Variants in ATP8A2 observed in about 807,000 individuals in gnomAD.
ATP8A2 encodes the protein phospholipid-transporting ATPase IB.
ATP8A2 carries 100 observed loss-of-function variants against 165.6 expected under a neutral mutation model. The ratio of observed to expected loss-of-function variants is 0.60; its 90% CI spans 0.51 to 0.71. The LOEUF (loss-of-function observed/expected upper bound fraction) is 0.71. Ranked by LOEUF, ATP8A2 falls within the 30% of genes least tolerant of loss-of-function variation. ATP8A2 has a pLI of 0.00. For missense variants in ATP8A2, 1,227 were observed against 1,479.5 expected (o/e 0.83, Z 2.80); for synonymous variants, 543 against 548.8 (o/e 0.99, Z 0.15).
chr13:25,436,264 C>A (rs1486305295), intron 1 of ATP8A2, among the ~76,000 whole-genome samples: 1 of 152,000 alleles, frequency 6.6e-6, no homozygotes, highest in Non-Finnish European at 1.5e-5. Flanking sequence ...CAGCCCCTAC[C>A]CCGTCCCCAA....
intron 1 of ATP8A2, among the ~76,000 whole-genome samples, chr13:25,453,157 G>A (rs1448726193): frequency 7.3e-5 from 11 of 151,718 alleles, no homozygotes; most frequent in South Asian, 2.1e-4. Flanking sequence ...CGAAGTTTTC[G>A]CTCTTGTTGC....
chr13:25,610,495 C>A (rs983739053), intron 24 of ATP8A2, among the ~76,000 whole-genome samples: 2 of 152,068 alleles, frequency 1.3e-5, no homozygotes, highest in Admixed American at 1.3e-4. Flanking sequence ...TATATCAGTA[C>A]CATGCTGTTT....
chr13:25,731,733 C>A (rs1266706490), intron 25 of ATP8A2, among the ~76,000 whole-genome samples: 1 of 152,148 alleles, frequency 6.6e-6, no homozygotes, highest in Non-Finnish European at 1.5e-5. Context: ...CTGGCAGAAT[C>A]CAACTAACAC....
chr13:25,410,203 G>T (rs567018497), intron 1 of ATP8A2, among the ~76,000 whole-genome samples: 3 of 151,940 alleles, frequency 2.0e-5, no homozygotes, highest in African/African-American at 7.3e-5. Flanking sequence ...TAGACAGTCC[G>T]TAGTGGTTTT....
Position 25,882,932 on chromosome 13 carries a change from ATGATGATGG to A in ATP8A2, c.3183+20530_3183+20538del, listed in dbSNP as rs1463656237. On this transcript the variant is annotated intron_variant, in intron 33 of 36. Coordinates refer to ENST00000381655, the MANE Select transcript of ATP8A2 (RefSeq NM_016529.6). ...GATGATGATGATGATGATGATGATG[ATGATGATGG>A]TGATGGTGATGATGGTGATGGTGAT... is the stretch of plus-strand genomic sequence containing the variant. Among the ~76,000 whole-genome samples, 16 of 139,704 alleles carry A rather than the reference ATGATGATGG, an allele frequency of 1.1e-4. No individual in the cohort carries two copies. In the East Asian group the frequency reaches 2.0e-3, roughly 17 times the overall value. The allele number at this position is 139,704 out of a possible 152,430, so 91.7% of individuals were successfully genotyped here.
chr13:26,017,128 A>G (rs914575785), intron 36 of ATP8A2, among the ~76,000 whole-genome samples: 2 of 151,514 alleles, frequency 1.3e-5, no homozygotes, highest in Non-Finnish European at 2.9e-5. Flanking sequence ...TTCCCACCGG[A>G]AGAGTTTATA....
chr13:25,624,787 A>C (rs1268971381), intron 24 of ATP8A2, among the ~76,000 whole-genome samples: 1 of 152,210 alleles, frequency 6.6e-6, no homozygotes, highest in African/African-American at 2.4e-5. Flanking sequence ...TAAATTGATT[A>C]GTACAATTTT....
At chr13:25,539,095 G>A (rs1052532126) in intron 7 of ATP8A2, among the ~76,000 whole-genome samples, 2 of 146,896 alleles carry the variant, frequency 1.4e-5, no homozygotes, top group African/African-American at 2.6e-5. Flanking sequence ...GTGTGTGTGT[G>A]TGTGTTTTGT....
chr13:25,666,543 A>G (rs1340583677), intron 24 of ATP8A2, among the ~76,000 whole-genome samples: 1 of 152,194 alleles, frequency 6.6e-6, no homozygotes, highest in Non-Finnish European at 1.5e-5. Context: ...CCCGGCCAGA[A>G]TATTAGTTTT....
intron 1 of ATP8A2, among the ~76,000 whole-genome samples, chr13:25,382,848 C>T (rs1453008842): frequency 5.9e-5 from 9 of 151,948 alleles, no homozygotes; most frequent in East Asian, 3.9e-4. Flanking sequence ...CTCCGCCTCC[C>T]GGGTTCACGC....
rs562534919 is a variant in ATP8A2, at chr13:25,557,001, C to T, written c.1263+1933C>T. On this transcript the variant is annotated intron_variant, in intron 13 of 36. Coordinates refer to ENST00000381655, the MANE Select transcript of ATP8A2 (RefSeq NM_016529.6). ...CTTGCTTTCTTCATTTTTCTTTCCT[C>T]GAGGATAGAGTGAATTCTGTGATGG... Among the ~76,000 whole-genome samples the T allele has an allele frequency of 9.9e-5, 15 of 152,156 alleles. 2 individuals carry two copies. In the South Asian group the frequency reaches 1.0e-3, roughly 11 times the overall value.
chr13:25,473,101 T>C (rs568758374), intron 2 of ATP8A2, among the ~76,000 whole-genome samples: 1 of 152,290 alleles, frequency 6.6e-6, no homozygotes, highest in South Asian at 2.1e-4. Flanking sequence ...CTGAGGTCCA[T>C]TGTGGCCTCA....
intron 33 of ATP8A2, 47 bp downstream of exon 33, chr13:25,862,455 A>G: frequency 6.9e-7 from 1 of 1,452,718 alleles, no homozygotes; most frequent in South Asian, 1.1e-5. Context: ...TTGTGACAGC[A>G]ATGTTTCTCC....
At chr13:25,644,678 G>T (rs1366131107) in intron 24 of ATP8A2, among the ~76,000 whole-genome samples, 5 of 152,020 alleles carry the variant, frequency 3.3e-5, no homozygotes, top group African/African-American at 1.2e-4. Context: ...GAGCCATCTA[G>T]CCTTGGGATT....
chr13:25,809,128 C>T (rs1254648129), intron 27 of ATP8A2, among the ~76,000 whole-genome samples: 1 of 152,074 alleles, frequency 6.6e-6, no homozygotes, highest in Admixed American at 6.6e-5. Flanking sequence ...TGAAATACTG[C>T]TTTTAAAAGT....
chr13:25,452,453 T>G (rs555403953), intron 1 of ATP8A2, among the ~76,000 whole-genome samples: 1 of 152,324 alleles, frequency 6.6e-6, no homozygotes, highest in African/African-American at 2.4e-5. Flanking sequence ...TATTCCCGCT[T>G]GGCTGTGATA....
chr13:25,820,911 A>AT (rs985317442), intron 27 of ATP8A2, among the ~76,000 whole-genome samples: 7 of 151,168 alleles, frequency 4.6e-5, no homozygotes, highest in African/African-American at 1.7e-4. Context: ...TAAGAAGTGG[A>AT]TTTTTTTGTT....
At chr13:25,561,755 T>C (rs1312973956) in intron 15 of ATP8A2, among the ~76,000 whole-genome samples, 1 of 152,212 alleles carries the variant, frequency 6.6e-6, no homozygotes. Context: ...TGAAACCCTA[T>C]CTATTAAACA....
chr13:25,384,367 G>A (rs535762731), intron 1 of ATP8A2, among the ~76,000 whole-genome samples: 1 of 152,154 alleles, frequency 6.6e-6, no homozygotes, highest in East Asian at 1.9e-4. Context: ...TTTCTTTTTT[G>A]GGGAGAAGTC....
Sources: gnomAD v4.1 joint callset for allele counts (sites outside exome capture counted in the v4.1 genomes callset) on GRCh38, gnomAD v4.1.1 for gene constraint, MANE v1.5 for transcripts, NCBI Gene and HGNC (gene_info 2026-07-23, HGNC 2026-07-21) for gene names.